Variants in TNS3 observed in about 807,000 individuals in gnomAD.
TNS3 encodes the protein tensin-3.
TNS3 carries 45 observed loss-of-function variants against 140.9 expected under a neutral mutation model. The ratio of observed to expected loss-of-function variants is 0.32; its 90% CI spans 0.25 to 0.41. The LOEUF is 0.41. TNS3 is among the 10% of genes least tolerant of loss of function. TNS3 has a pLI of 1.00. For synonymous variants in TNS3, 815 were observed against 788.4 expected (o/e 1.03, Z -0.56); for missense variants, 1,716 against 1,906.7 (o/e 0.90, Z 1.86).
chr7:47,416,632 AC>A (rs1231361066), intron 10 of TNS3, among the ~76,000 whole-genome samples: 1 of 152,006 alleles, frequency 6.6e-6, no homozygotes, highest in Non-Finnish European at 1.5e-5. Context: ...AGACGTGGGG[AC>A]CCTGTGAGGC....
intron 1 of TNS3, among the ~76,000 whole-genome samples, chr7:47,577,891 C>A (rs1428697105): frequency 6.6e-6 from 1 of 152,096 alleles, no homozygotes; most frequent in Non-Finnish European, 1.5e-5. Context: ...GGAGCACTTC[C>A]CTAGCTCTGG....
In TNS3 at chr7:47,410,287, C is replaced by G. The variant is rs111264865; in HGVS notation, c.723+1440G>C. ...CCAGCCCAGGTCCTCCTCCTTAGGA[C>G]AGTAGAACAGAGAGCTGAGGAAACG... On this transcript the variant is annotated intron_variant, in intron 13 of 30. Coordinates refer to ENST00000311160, the MANE Select transcript of TNS3 (RefSeq NM_022748.12). 4.6e-5 allele frequency among the ~76,000 whole-genome samples: 7 copies of G among 152,326 alleles called. 1 individual carries two copies. The highest frequency in any genetic ancestry group is 1.7e-4 in the African/African-American group (7 of 41,574).
At chr7:47,548,988 G>A (rs1010234785) in intron 1 of TNS3, among the ~76,000 whole-genome samples, 5 of 152,058 alleles carry the variant, frequency 3.3e-5, no homozygotes, top group Admixed American at 3.3e-4. Context: ...CAGCCAATCT[G>A]TCAGCAAGCC....
rs1295040502 is a variant in TNS3 at position 47,297,119 on chromosome 7, G to A, written c.3639C>T (p.Ala1213=). The change falls in exon 24 of 31, where the codon GCC becomes GCT. Residue 1213 remains alanine, a synonymous_variant. Coordinates refer to ENST00000311160, the MANE Select transcript of TNS3 (RefSeq NM_022748.12). The part of the protein sequence containing the change: ...RGAYGLAMKV[A]TPPPSVLQLN... ...GCTGCAGGACTGAAGGTGGGGGCGT[G>A]GCCACCTTCATGGCCAGGCCATAGG... 7 of 1,614,128 alleles carry A rather than the reference G, an allele frequency of 4.3e-6. No homozygotes were observed. The highest frequency in any genetic ancestry group is 3.3e-5 in the Admixed American group (2 of 60,024).
intron 17 of TNS3, among the ~76,000 whole-genome samples, chr7:47,363,780 G>A (rs1212016150): frequency 6.6e-6 from 1 of 152,220 alleles, no homozygotes; most frequent in East Asian, 1.9e-4. Context: ...CTATGGGGCT[G>A]AACCTCATGC....
intron 1 of TNS3, among the ~76,000 whole-genome samples, chr7:47,535,003 C>T (rs1799550378): frequency 6.6e-6 from 1 of 152,216 alleles, no homozygotes; most frequent in Admixed American, 6.5e-5. Flanking sequence ...CTAACAAACA[C>T]ATCTCTCTAT....
At chr7:47,305,228 A>G (rs186970839) in intron 20 of TNS3, among the ~76,000 whole-genome samples, 3 of 152,198 alleles carry the variant, frequency 2.0e-5, no homozygotes, top group Non-Finnish European at 2.9e-5. Flanking sequence ...GTTTCCAAAA[A>G]TAAAGCGACC....
At chr7:47,366,632 C>A (rs1381779660) in intron 17 of TNS3, among the ~76,000 whole-genome samples, 1 of 151,686 alleles carries the variant, frequency 6.6e-6, no homozygotes, top group African/African-American at 2.4e-5. Flanking sequence ...AGACCTGAGT[C>A]GGGACTGCAG....
At chr7:47,341,112 A>T (rs138964524) in intron 20 of TNS3, among the ~76,000 whole-genome samples, 13 of 152,276 alleles carry the variant, frequency 8.5e-5, no homozygotes, top group African/African-American at 2.9e-4. Flanking sequence ...ACAGTGTGTC[A>T]ATCTTTTTAT....
chr7:47,302,406 C>G (rs772769229), intron 22 of TNS3, 134 bp from the exon 23 acceptor site: 2 of 686,644 alleles, frequency 2.9e-6, no homozygotes, highest in East Asian at 2.7e-5. Flanking sequence ...GGAAAGGGAA[C>G]CCTGCCTTTG....
At chr7:47,532,316 G>C (rs1243710749) in intron 1 of TNS3, among the ~76,000 whole-genome samples, 1 of 152,166 alleles carries the variant, frequency 6.6e-6, no homozygotes, top group Non-Finnish European at 1.5e-5. Flanking sequence ...GGGACTCATG[G>C]TGCCTCTTCC....
chr7:47,456,440 TG>T (rs1253893591), intron 4 of TNS3, among the ~76,000 whole-genome samples: 2 of 152,170 alleles, frequency 1.3e-5, no homozygotes, highest in Non-Finnish European at 2.9e-5. Flanking sequence ...GGGGTGGAAA[TG>T]GCACATAATG....
At chr7:47,395,055 G>A (rs1562684525) in intron 16 of TNS3, among the ~76,000 whole-genome samples, 1 of 152,248 alleles carries the variant, frequency 6.6e-6, no homozygotes, top group African/African-American at 2.4e-5. Context: ...ACCCACCTGT[G>A]TTTTAGAACC....
chr7:47,501,680 C>T (rs924562408), intron 3 of TNS3, among the ~76,000 whole-genome samples: 3 of 152,064 alleles, frequency 2.0e-5, no homozygotes, highest in African/African-American at 7.2e-5. Flanking sequence ...AAAACAGAAA[C>T]GCACAGCTGC....
intron 2 of TNS3, among the ~76,000 whole-genome samples, chr7:47,518,863 C>T (rs1016328102): frequency 6.6e-6 from 1 of 152,164 alleles, no homozygotes; most frequent in Admixed American, 6.5e-5. Context: ...AAGGTCTGAA[C>T]TCACATCAGC....
At chr7:47,377,146 T>A (rs1562657214) in intron 16 of TNS3, among the ~76,000 whole-genome samples, 1 of 152,158 alleles carries the variant, frequency 6.6e-6, no homozygotes, top group Non-Finnish European at 1.5e-5. Context: ...TCCAGCTGAA[T>A]CAATTCACCA....
intron 4 of TNS3, among the ~76,000 whole-genome samples, chr7:47,471,612 C>T (rs2151742856): frequency 6.6e-6 from 1 of 152,350 alleles, no homozygotes; most frequent in East Asian, 1.9e-4. Context: ...TCACCAGAAG[C>T]TCCTCTTTTA....
At chr7:47,353,663 T>C (rs1004950517) in intron 17 of TNS3, among the ~76,000 whole-genome samples, 4 of 152,208 alleles carry the variant, frequency 2.6e-5, no homozygotes, top group African/African-American at 9.7e-5. Context: ...AATTACTTCT[T>C]ACACACTTCA....
chr7:47,497,532 T>A (rs1798056046), intron 3 of TNS3, among the ~76,000 whole-genome samples: 1 of 152,182 alleles, frequency 6.6e-6, no homozygotes, highest in African/African-American at 2.4e-5. Context: ...TTCTCTTTTA[T>A]GAGTCCTCAA....
Sources: allele counts gnomAD v4.1 joint callset (sites outside exome capture counted in the v4.1 genomes callset), GRCh38; gene constraint gnomAD v4.1.1; transcripts MANE v1.5; gene names NCBI Gene and HGNC (gene_info 2026-07-23, HGNC 2026-07-21).